The following LGI4 variants were observed in gnomAD, a reference collection of about 807,000 sequenced individuals.
The protein encoded by LGI4 is leucine-rich repeat LGI family member 4.
In LGI4, 36 loss-of-function variants were observed where a neutral mutation model predicts 48.3. That is an observed-to-expected ratio of 0.75 (90% CI 0.57 to 0.98). The LOEUF is 0.98. Ranked by LOEUF, LGI4 falls within the 50% of genes least tolerant of loss-of-function variation. LGI4 has a pLI of 0.00. For missense variants in LGI4, 701 were observed against 732.1 expected (o/e 0.96, Z 0.49); for synonymous variants, 355 against 331.6 (o/e 1.07, Z -0.77).
At position 35,126,916 on chromosome 19, in the gene LGI4, G is replaced by T. The variant is rs927920275; in HGVS notation, c.730C>A (p.Arg244Ser). Reference protein sequence around the residue: ...HIVLAQPFAGRCLILSWDYSL... With the variant: ...HIVLAQPFAGSCLILSWDYSL... ...TAGTCCCAGGAGAGAATCAGGCAGCGGCCGGCGAAGGGCTGTGCCAGCACA... is the reference window on the plus strand; with the variant it reads ...TAGTCCCAGGAGAGAATCAGGCAGCTGCCGGCGAAGGGCTGTGCCAGCACA... Residue 244 changes from arginine (R) to serine (S), a missense_variant, in exon 7 of 9, where the codon CGC becomes AGC. Physicochemically the swap from Arg to Ser is moderately radical, Grantham distance 110 (BLOSUM62 -1). Transcript: ENST00000310123. The T allele has an allele frequency of 1.2e-6, 2 of 1,613,554 alleles. No homozygotes were observed. The highest frequency in any genetic ancestry group is 1.7e-6 in the Non-Finnish European group (2 of 1,179,928).
intron 3 of LGI4, 155 bp downstream of exon 3, chr19:35,133,538 C>T: frequency 6.8e-7 from 1 of 1,468,220 alleles, no homozygotes; most frequent in African/African-American, 1.4e-5. Flanking sequence ...AGCATCATCA[C>T]CATTGGGTTC....
chr19:35,126,141 G>T, intron 8 of LGI4, 129 bp downstream of exon 8: 2 of 1,020,768 alleles, frequency 2.0e-6, no homozygotes, highest in Non-Finnish European at 2.9e-6. Flanking sequence ...TCAGAGTCTT[G>T]GCATCAGTGT....
intron 6 of LGI4, chr19:35,131,058 C>T (rs534143051): frequency 8.0e-5 from 47 of 590,334 alleles, no homozygotes; most frequent in Admixed American, 2.2e-4. Context: ...CAGTTCTTAG[C>T]GCAATACTTG....
In LGI4 at chr19:35,126,643, A is replaced by G. The variant is rs2065140168; in HGVS notation, c.926T>C (p.Leu309Pro). 1 of 1,539,262 alleles carries G rather than the reference A, an allele frequency of 6.5e-7. No homozygotes were observed. Among genetic ancestry groups the G allele is most frequent in the South Asian group, 1.2e-5 (1 of 84,198 alleles). ...PGLRLAPTQT[L>P]APRRLLRPND... is the part of the protein sequence containing the mutation. Reference sequence around the variant, plus strand: ...GGGCCGCAGCAGCCGCCGCGGGGCCAGGGTCTGCGTTGGGGCCAGGCGCAG... The same window carrying G: ...GGGCCGCAGCAGCCGCCGCGGGGCCGGGGTCTGCGTTGGGGCCAGGCGCAG... The change falls in exon 8 of 9, where the codon CTG (leucine) becomes CCG (proline). Residue 309 changes from leucine (L) to proline (P), a missense_variant. Leu to Pro is a moderately conservative substitution (Grantham distance 98, BLOSUM62 -3). Transcript: ENST00000310123.
chr19:35,129,056 T>C (rs2065158432), intron 6 of LGI4, among the ~76,000 whole-genome samples: 1 of 152,200 alleles, frequency 6.6e-6, no homozygotes, highest in Non-Finnish European at 1.5e-5. Context: ...CATTGATCTG[T>C]GCCGTGTTTG....
Position 35,125,326 on chromosome 19 carries a change from A to T in LGI4, c.1481T>A (p.Leu494Gln), listed in dbSNP as rs1054484099. 1.9e-6 allele frequency: 3 copies of T among 1,612,472 alleles called. No homozygotes were observed. In the African/African-American group the frequency reaches 4.0e-5, roughly 21 times the overall value. Residue 494 changes from leucine to glutamine, a missense_variant, in exon 9 of 9, where the codon CTG becomes CAG. Physicochemically the swap from Leu to Gln is moderately radical, Grantham distance 113. Around this residue, in one of 3 missense-constraint regions of LGI4, gnomAD observed 223 missense variants for 263.3 expected, o/e 0.85. Transcript: ENST00000310123. The part of the protein sequence containing the change: ...DKGLLEPLQE[L>Q]GPPALVAPRA... Reference sequence around the variant, plus strand: ...GGGGGCCACCAGGGCCGGAGGCCCCAGCTCCTGCAGTGGCTCCAGGAGCCC... The same window carrying T: ...GGGGGCCACCAGGGCCGGAGGCCCCTGCTCCTGCAGTGGCTCCAGGAGCCC...
At position 35,125,956 on chromosome 19, in the gene LGI4, A is replaced by G. The variant is rs540047974; in HGVS notation, c.1299+314T>C. On this transcript the variant is annotated intron_variant, in intron 8 of 8. Transcript: ENST00000310123. ...CTCCAGAAACAGTGGGCAGTGCTTA[A>G]CCCTAGCATCAGCCTTGGGGGCTCA... 9.3e-5 allele frequency: 50 copies of G among 538,042 alleles called. 1 individual carries two copies. The highest frequency in any genetic ancestry group is 6.3e-4 in the Middle Eastern group (2 of 3,150). 33.3% of individuals were successfully genotyped at this position (538,042 alleles called of 1,614,324 possible). A position where few individuals can be genotyped will look rare whatever the true frequency, so the allele number is the denominator to read the frequency against.
chr19:35,127,681 C>T (rs761190210), intron 6 of LGI4, among the ~76,000 whole-genome samples: 25 of 152,186 alleles, frequency 1.6e-4, no homozygotes, highest in Admixed American at 3.3e-4. Flanking sequence ...GCACCGTGCC[C>T]GGCCCATAAA....
chr19:35,134,421 T>C, intron 1 of LGI4, 90 bp downstream of exon 1: 2 of 1,349,170 alleles, frequency 1.5e-6, no homozygotes, highest in East Asian at 2.5e-5. Flanking sequence ...TGGGCCCCTG[T>C]TTCCCTGGAG....
At chr19:35,134,180 C>T in intron 1 of LGI4, 76 bp from the exon 2 acceptor site, 1 of 1,345,440 alleles carries the variant, frequency 7.4e-7, no homozygotes, top group Non-Finnish European at 1.0e-6. Flanking sequence ...CTTCTGCCAT[C>T]CGGGAGACCC....
At position 35,127,123 on chromosome 19, in the gene LGI4, C is replaced by G. The variant is rs1023233424; in HGVS notation, c.629-106G>C. The G allele has an allele frequency of 1.5e-5, 17 of 1,144,146 alleles. No individual in the cohort carries two copies. In the East Asian group the frequency reaches 3.2e-4, roughly 22 times the overall value. The allele number at this position is 1,144,146 out of a possible 1,614,324, so 70.9% of individuals were successfully genotyped here. A position where few individuals can be genotyped will look rare whatever the true frequency, so the allele number is the denominator to read the frequency against. On this transcript the variant is annotated intron_variant, in intron 6 of 8. Coordinates refer to ENST00000310123, the MANE Select transcript of LGI4 (RefSeq NM_139284.3). Reference sequence around the variant, plus strand: ...GAAATGGAGGCCATTCATGGTACCCCCCTCATAGGGACATATAACTGGAAT... The same window carrying G: ...GAAATGGAGGCCATTCATGGTACCCGCCTCATAGGGACATATAACTGGAAT...
chr19:35,125,099 A>T lies in LGI4; in HGVS notation c.*94T>A. The T allele has an allele frequency of 9.1e-7, 1 of 1,100,686 alleles. No individual in the cohort carries two copies. Among genetic ancestry groups the T allele is most frequent in the East Asian group, 2.5e-5 (1 of 40,100 alleles). 68.2% of individuals were successfully genotyped at this position (1,100,686 alleles called of 1,614,324 possible). Reference sequence around the variant, plus strand: ...CTGATGAACGTGGCCCACGGTCAGCAGCTCACAGGCGGGCCATCACCCCAA... The same window carrying T: ...CTGATGAACGTGGCCCACGGTCAGCTGCTCACAGGCGGGCCATCACCCCAA... On this transcript the variant is annotated 3_prime_UTR_variant, in exon 9 of 9. Coordinates refer to ENST00000310123, the MANE Select transcript of LGI4 (RefSeq NM_139284.3).
At position 35,133,725 on chromosome 19, in the gene LGI4, A is replaced by T. The variant is rs1451024714; in HGVS notation, c.282T>A (p.Asp94Glu). 37 of 1,609,396 alleles carry T rather than the reference A, an allele frequency of 2.3e-5. No individual in the cohort carries two copies. Among genetic ancestry groups the T allele is most frequent in the Non-Finnish European group, 3.1e-5 (36 of 1,178,348 alleles). Residue 94 changes from aspartate (D) to glutamate (E), a missense_variant, in exon 3 of 9, where the codon GAT (aspartate) becomes GAA (glutamate). By Grantham distance (45) the Asp-to-Glu change is conservative. Transcript: ENST00000310123. ...GCAGGTGGGACAGGCCCGCAAATGC[A>T]TCGTCCTCAATCACGGAGAAGGAGT... ...TSNSFSVIEDDAFAGLSHLQY... is the reference protein window; with the variant it reads ...TSNSFSVIEDEAFAGLSHLQY...
intron 5 of LGI4, 46 bp downstream of exon 5, chr19:35,131,743 C>T (rs1394517450): frequency 6.7e-7 from 1 of 1,487,360 alleles, no homozygotes; most frequent in Non-Finnish European, 9.2e-7. Flanking sequence ...CCCGCCGACA[C>T]AAACATTCCC....
chr19:35,131,743 C>A (rs1394517450), intron 5 of LGI4, 46 bp downstream of exon 5: 3 of 1,487,360 alleles, frequency 2.0e-6, no homozygotes, highest in Middle Eastern at 1.9e-4. Flanking sequence ...CCCGCCGACA[C>A]AAACATTCCC....
Position 35,132,007 on chromosome 19 carries a change from T to C in LGI4, c.350A>G (p.Lys117Arg). ...IEDNEIGSIS[K>R]NALRGLRSLT... ...CGAGCGAAGTCCTCTGAGGGCATTC[T>C]TAGAGATGGAGCCAATCTCATTGTC... The change falls in exon 4 of 9, where the codon AAG becomes AGG. Residue 117 changes from lysine (K) to arginine (R), a missense_variant. Transcript: ENST00000310123. 1 of 1,587,558 alleles carries C rather than the reference T, an allele frequency of 6.3e-7. No homozygotes were observed. The highest frequency in any genetic ancestry group is 2.3e-5 in the East Asian group (1 of 43,936).
At position 35,126,700 on chromosome 19, in the gene LGI4, C is replaced by T. The variant is rs1054500806; in HGVS notation, c.869G>A (p.Gly290Asp). ...ACTGGGCCGGGCCCACAGCTGTGAG[C>T]CCCCCCACAGGCGGGCAGCCAGCAC... is the stretch of plus-strand genomic sequence containing the variant. Reference protein sequence around the residue: ...LFVLAARLWGGSQLWARPSPG... With the variant: ...LFVLAARLWGDSQLWARPSPG... Residue 290 changes from glycine to aspartate, a missense_variant, in exon 8 of 9, where the codon GGC (glycine) becomes GAC (aspartate). Transcript: ENST00000310123. 1.4e-5 allele frequency: 21 copies of T among 1,537,394 alleles called. No homozygotes were observed. Among genetic ancestry groups the T allele is most frequent in the East Asian group, 9.7e-5 (4 of 41,164 alleles).
Position 35,124,931 on chromosome 19 carries a change from A to C in LGI4, c.*262T>G. Reference sequence around the variant, plus strand: ...GCCTGCACCCCCCAGGTTGCCTTTGATGGGGAATCTGCCCCAGCCGAGATG... The same window carrying C: ...GCCTGCACCCCCCAGGTTGCCTTTGCTGGGGAATCTGCCCCAGCCGAGATG... On this transcript the variant is annotated 3_prime_UTR_variant, in exon 9 of 9. Transcript: ENST00000310123. 1 of 349,502 alleles carries C rather than the reference A, an allele frequency of 2.9e-6. No individual in the cohort carries two copies. Among genetic ancestry groups the C allele is most frequent in the Non-Finnish European group, 5.2e-6 (1 of 193,550 alleles). The allele number at this position is 349,502 out of a possible 1,614,324, so 21.7% of individuals were successfully genotyped here.
At chr19:35,130,154 T>C (rs1300156536) in intron 6 of LGI4, among the ~76,000 whole-genome samples, 1 of 152,174 alleles carries the variant, frequency 6.6e-6, no homozygotes, top group African/African-American at 2.4e-5. Context: ...GCTGAGATAG[T>C]ACAGATAGTG....
Sources: gnomAD v4.1 joint callset for allele counts (sites outside exome capture counted in the v4.1 genomes callset) on GRCh38, gnomAD v4.1.1 for gene constraint, gnomAD v4.1.1 regional missense constraint, MANE v1.5 for transcripts, NCBI Gene and HGNC (gene_info 2026-07-23, HGNC 2026-07-21) for gene names.